The following SOX6 variants were observed in gnomAD, a reference collection of about 807,000 sequenced individuals.
The protein encoded by SOX6 is transcription factor SOX-6.
A neutral mutation model predicts 97.8 loss-of-function variants in SOX6; 11 were observed. The observed-to-expected ratio is 0.11, with a 90% CI of 0.07 to 0.19. SOX6 has a LOEUF of 0.19. SOX6 is among the 10% of genes least tolerant of loss of function. The pLI is 1.00. For synonymous variants in SOX6, 360 were observed against 371.4 expected (o/e 0.97, Z 0.35); for missense variants, 810 against 1,039.5 (o/e 0.78, Z 3.04).
At chr11:16,574,578 A>G (rs1024535334) in intron 4 of SOX6, among the ~76,000 whole-genome samples, 5 of 152,138 alleles carry the variant, frequency 3.3e-5, no homozygotes, top group African/African-American at 1.2e-4. Flanking sequence ...AAAAGCATTA[A>G]CCAAAAAAGA....
intron 4 of SOX6, among the ~76,000 whole-genome samples, chr11:16,569,988 G>C (rs534681395): frequency 9.3e-5 from 14 of 151,258 alleles, no homozygotes; most frequent in South Asian, 2.1e-4. Flanking sequence ...CCAAAGAAAA[G>C]TGCCCAGATG....
chr11:16,634,708 T>C (rs991383133), intron 3 of SOX6, among the ~76,000 whole-genome samples: 9 of 152,206 alleles, frequency 5.9e-5, no homozygotes, highest in Non-Finnish European at 1.0e-4. Flanking sequence ...AGTTTTCCAT[T>C]GTAATGTTTA....
intron 1 of SOX6, among the ~76,000 whole-genome samples, chr11:16,396,588 A>G (rs2134434840): frequency 6.6e-6 from 1 of 151,766 alleles, no homozygotes; most frequent in East Asian, 1.9e-4. Context: ...ATTGCAATGT[A>G]AGGCAAGTTT....
intron 1 of SOX6, among the ~76,000 whole-genome samples, chr11:16,373,721 C>T (rs377653302): frequency 2.7e-4 from 40 of 148,736 alleles, no homozygotes; most frequent in South Asian, 2.6e-3. Flanking sequence ...ACAACAAATA[C>T]ATTGAATAAA....
At chr11:16,677,590 T>G (rs1192019381) in intron 3 of SOX6, among the ~76,000 whole-genome samples, 2 of 152,200 alleles carry the variant, frequency 1.3e-5, no homozygotes, top group Non-Finnish European at 2.9e-5. Flanking sequence ...GATGAATTAT[T>G]CTTTCTACAT....
intron 3 of SOX6, among the ~76,000 whole-genome samples, chr11:16,638,890 G>C (rs1848842009): frequency 6.6e-6 from 1 of 152,170 alleles, no homozygotes; most frequent in Non-Finnish European, 1.5e-5. Context: ...TCTGATGGTA[G>C]TTTCTTTTCC....
chr11:16,424,533 G>A (rs1170960056), intron 1 of SOX6, among the ~76,000 whole-genome samples: 1 of 152,180 alleles, frequency 6.6e-6, no homozygotes, highest in African/African-American at 2.4e-5. Context: ...TCTGTAGAGG[G>A]AATGGAAGTA....
At chr11:16,267,324 A>C (rs1854110125) in intron 3 of SOX6, among the ~76,000 whole-genome samples, 1 of 151,720 alleles carries the variant, frequency 6.6e-6, no homozygotes, top group Non-Finnish European at 1.5e-5. Flanking sequence ...AAAATATATA[A>C]AGAAGTCAAA....
intron 3 of SOX6, among the ~76,000 whole-genome samples, chr11:16,255,783 C>T (rs1242115214): frequency 6.6e-6 from 1 of 150,974 alleles, no homozygotes; most frequent in Non-Finnish European, 1.5e-5. Context: ...GCCAATAAAA[C>T]CAAAAGCTAG....
intron 7 of SOX6, among the ~76,000 whole-genome samples, chr11:16,105,919 C>T (rs1849069016): frequency 1.3e-5 from 2 of 151,772 alleles, no homozygotes; most frequent in East Asian, 1.9e-4. Context: ...AACGAACAAC[C>T]CAAAAGAAAA....
At chr11:16,593,468 C>A (rs772471722) in intron 4 of SOX6, among the ~76,000 whole-genome samples, 1 of 151,950 alleles carries the variant, frequency 6.6e-6, no homozygotes, top group Non-Finnish European at 1.5e-5. Flanking sequence ...ATGAGTTATT[C>A]CTGCTTATAT....
chr11:16,384,755 A>G (rs1302949672), intron 1 of SOX6, among the ~76,000 whole-genome samples: 1 of 152,064 alleles, frequency 6.6e-6, no homozygotes, highest in Non-Finnish European at 1.5e-5. Flanking sequence ...AATCACTGAC[A>G]TTGAACAACG....
chr11:15,995,426 C>T (rs1854194185), intron 13 of SOX6, among the ~76,000 whole-genome samples: 1 of 152,028 alleles, frequency 6.6e-6, no homozygotes, highest in South Asian at 2.1e-4. Context: ...CTGCTTCCTG[C>T]CCCCAAAGTT....
At chr11:16,466,589 T>C (rs1278478450) in intron 1 of SOX6, among the ~76,000 whole-genome samples, 1 of 151,500 alleles carries the variant, frequency 6.6e-6, no homozygotes, top group African/African-American at 2.4e-5. Flanking sequence ...AAAGGTTTAA[T>C]ATCCACCATC....
At chr11:16,511,974 G>A (rs1384095071) in intron 4 of SOX6, among the ~76,000 whole-genome samples, 1 of 152,108 alleles carries the variant, frequency 6.6e-6, no homozygotes, top group Non-Finnish European at 1.5e-5. Flanking sequence ...AATAAGCATG[G>A]CAAGACATAA....
intron 2 of SOX6, among the ~76,000 whole-genome samples, chr11:16,335,001 T>A (rs1168653649): frequency 6.6e-6 from 1 of 152,116 alleles, no homozygotes; most frequent in Non-Finnish European, 1.5e-5. Context: ...AATCAATGTG[T>A]CAACACTAGA....
chr11:16,652,644 T>C (rs1253645210), intron 3 of SOX6, among the ~76,000 whole-genome samples: 1 of 152,138 alleles, frequency 6.6e-6, no homozygotes, highest in Non-Finnish European at 1.5e-5. Flanking sequence ...ATCTAAGACC[T>C]GAAACCCTAA....
chr11:16,291,549 T>C (rs1175342587), intron 3 of SOX6, among the ~76,000 whole-genome samples: 1 of 151,914 alleles, frequency 6.6e-6, no homozygotes, highest in Non-Finnish European at 1.5e-5. Flanking sequence ...GGCTCCAGCC[T>C]AAAGGTGCTA....
At chr11:16,178,662 T>C (rs914136709) in intron 6 of SOX6, among the ~76,000 whole-genome samples, 3 of 151,922 alleles carry the variant, frequency 2.0e-5, no homozygotes, top group Admixed American at 2.0e-4. Context: ...AATAGAAGTA[T>C]CAAATTACTT....
Sources: allele counts gnomAD v4.1 joint callset (sites outside exome capture counted in the v4.1 genomes callset), GRCh38; gene constraint gnomAD v4.1.1; transcripts MANE v1.5; gene names NCBI Gene and HGNC (gene_info 2026-07-23, HGNC 2026-07-21).